The following LARP1 variants were observed in gnomAD, a reference collection of about 807,000 sequenced individuals.
LARP1 encodes La ribonucleoprotein 1, translational regulator.
Under a neutral mutation model 122.7 loss-of-function variants are expected in LARP1, and 36 were observed. The ratio of observed to expected loss-of-function variants is 0.29; its 90% CI spans 0.22 to 0.39. LARP1 has a LOEUF of 0.39. LARP1 is among the 10% of genes least tolerant of loss of function. The pLI is 1.00. For missense variants in LARP1, 1,040 were observed against 1,403.6 expected, an observed-to-expected ratio of 0.74 and a Z score of 4.14; for synonymous variants, 539 against 528.7, an observed-to-expected ratio of 1.02 and a Z score of -0.27.
At chr5:154,727,461 T>A (rs1198277787) in intron 1 of LARP1, among the ~76,000 whole-genome samples, 1 of 151,756 alleles carries the variant, frequency 6.6e-6, no homozygotes, top group African/African-American at 2.4e-5. Flanking sequence ...AACTAGAGAG[T>A]AGAATGGTGG....
At chr5:154,708,715 G>A (rs750986860), upstream of LARP1, among the ~76,000 whole-genome samples, 3 of 152,180 alleles carry the variant, frequency 2.0e-5, no homozygotes, top group South Asian at 4.1e-4. Flanking sequence ...GGGTTCAAGC[G>A]ATTCTCCTGC....
upstream of LARP1, among the ~76,000 whole-genome samples, chr5:154,710,204 C>T (rs1582177480): frequency 1.3e-5 from 2 of 152,132 alleles, no homozygotes; most frequent in South Asian, 2.1e-4. Flanking sequence ...CCATGGCCTG[C>T]GAGTTGGGGA....
Position 154,816,790 on chromosome 5 carries a change from C to G in LARP1, c.*2694C>G, listed in dbSNP as rs1378829834. ...CATCCTATCCCTTCCAAGGTTGGTC[C>G]ATGCCAACATAACCTCTGGGCATCA... On this transcript the variant is annotated 3_prime_UTR_variant, in exon 19 of 19. Transcript: ENST00000518297. 1 of 152,266 alleles carries G rather than the reference C, an allele frequency of 6.6e-6. No individual in the cohort carries two copies. The highest frequency in any genetic ancestry group is 1.9e-4 in the East Asian group (1 of 5,190). The allele number at this position is 152,266 out of a possible 1,614,324, so 9.4% of individuals were successfully genotyped here. A position where few individuals can be genotyped will look rare whatever the true frequency, so the allele number is the denominator to read the frequency against.
chr5:154,725,802 A>T (rs539289671), intron 1 of LARP1, among the ~76,000 whole-genome samples: 2 of 152,288 alleles, frequency 1.3e-5, no homozygotes, highest in South Asian at 2.1e-4. Flanking sequence ...TTCAGGATCT[A>T]CCAAGAAGGA....
upstream of LARP1, among the ~76,000 whole-genome samples, chr5:154,710,961 A>G (rs1479657751): frequency 1.3e-5 from 2 of 152,090 alleles, no homozygotes; most frequent in Non-Finnish European, 2.9e-5. Flanking sequence ...GTGAGACTGA[A>G]AACAGGCAGC....
chr5:154,795,134 C>T (rs1757644285), intron 7 of LARP1, 41 bp from the exon 8 acceptor site: 1 of 1,601,154 alleles, frequency 6.2e-7, no homozygotes, highest in Non-Finnish European at 8.6e-7. Context: ...AAAACTGATG[C>T]ACCAATCCCT....
At chr5:154,806,748 A>G (rs1758820899) in intron 15 of LARP1, among the ~76,000 whole-genome samples, 1 of 152,172 alleles carries the variant, frequency 6.6e-6, no homozygotes, top group Admixed American at 6.5e-5. Flanking sequence ...GTGGTTGCTA[A>G]ATTCTTGATT....
chr5:154,815,100 G>T lies in LARP1; in HGVS notation c.*1004G>T, dbSNP rs1759577821. The T allele has an allele frequency of 6.6e-6, 1 of 152,558 alleles. No individual in the cohort carries two copies. The highest frequency in any genetic ancestry group is 2.1e-4 in the South Asian group (1 of 4,828). 9.5% of individuals were successfully genotyped at this position (152,558 alleles called of 1,614,324 possible). A position where few individuals can be genotyped will look rare whatever the true frequency, so the allele number is the denominator to read the frequency against. ...AAGAGCTCCCACCTTCTCTGGATGT[G>T]CCTGGGCTTGGACTGGCTAGAATCT... On this transcript the variant is annotated 3_prime_UTR_variant, in exon 19 of 19. Transcript: ENST00000518297.
At chr5:154,757,293 A>G (rs1278362961) in intron 1 of LARP1, 2 of 151,526 alleles carry the variant, frequency 1.3e-5, no homozygotes, top group Non-Finnish European at 2.9e-5. Context: ...GGGGGGAGGT[A>G]AGGGGTGCAG....
Position 154,803,500 on chromosome 5 carries a change from G to C in LARP1, c.2234-40G>C. 6.2e-7 allele frequency: 1 copy of C among 1,614,002 alleles called. No homozygotes were observed. Among genetic ancestry groups the C allele is most frequent in the Non-Finnish European group, 8.5e-7 (1 of 1,179,960 alleles). On this transcript the variant is annotated intron_variant, in intron 12 of 18. Transcript: ENST00000518297. This position sits in a 1 kb window ranked among gnomAD's most constrained non-coding sequence, Gnocchi z 4.4. ...GGCTATCCTGGGGTGGATGCCACAG[G>C]CCTTTCCCTGCTTCCTGACTCCTCT...
intron 8 of LARP1, 147 bp from the exon 9 acceptor site, chr5:154,799,444 A>T: frequency 1.3e-6 from 1 of 748,756 alleles, no homozygotes; most frequent in Non-Finnish European, 2.2e-6. Context: ...ATTATCTACC[A>T]GTCGTGGAAG....
At chr5:154,740,365 C>T (rs184191667) in intron 1 of LARP1, among the ~76,000 whole-genome samples, 1,678 of 149,898 alleles carry the variant, frequency 0.011, 15 homozygotes, top group Non-Finnish European at 0.019. Flanking sequence ...TGCACTCCAG[C>T]CTGGGCAACA....
chr5:154,738,809 C>T (rs185348998), intron 1 of LARP1, among the ~76,000 whole-genome samples: 2 of 152,192 alleles, frequency 1.3e-5, no homozygotes, highest in East Asian at 3.9e-4. Context: ...GTAATCCCAG[C>T]ACTTTGGGAC....
chr5:154,699,557 CG>C (rs1166302361), intron 1 of LARP1, among the ~76,000 whole-genome samples: 1 of 151,946 alleles, frequency 6.6e-6, no homozygotes, highest in Non-Finnish European at 1.5e-5. Context: ...GTTCCTGAAA[CG>C]GGACTACTGG....
rs762483737 is a variant in LARP1 at position 154,799,736 on chromosome 5, G to A, written c.1523G>A (p.Arg508His). Residue 508 changes from arginine (R) to histidine (H), a missense_variant, in exon 9 of 19, where the codon CGT becomes CAT. Coordinates refer to ENST00000518297, the MANE Select transcript of LARP1 (RefSeq NM_033551.3). ...CTCAACTGCCCTGAATTTGTTCCCC[G>A]TCAGCACTACCAAAAGGAGACAGGT... Reference protein sequence around the residue: ...QLLNCPEFVPRQHYQKETESA... With the variant: ...QLLNCPEFVPHQHYQKETESA... 1.3e-5 allele frequency: 21 copies of A among 1,614,040 alleles called. No homozygotes were observed. The highest frequency in any genetic ancestry group is 6.7e-5 in the East Asian group (3 of 44,890).
chr5:154,813,787 A>T (rs1367081500), intron 18 of LARP1, 100 bp from the exon 19 acceptor site: 1 of 928,432 alleles, frequency 1.1e-6, no homozygotes, highest in Non-Finnish European at 1.7e-6. Context: ...TTCATTTTCT[A>T]TATTTGGAGG....
Position 154,813,906 on chromosome 5 carries a change from G to T in LARP1, c.3101G>T (p.Gly1034Val), listed in dbSNP as rs1306826141. Reference protein sequence around the residue: ...FRVDPPMGEEGNHKRHSVVAG... With the variant: ...FRVDPPMGEEVNHKRHSVVAG... ...TTGCAGCCCCCCATGGGTGAGGAGG[G>T]CAACCACAAGCGACACTCAGTGGTA... Residue 1034 changes from glycine (G) to valine (V), a missense_variant, in exon 19 of 19, where the codon GGC becomes GTC. Physicochemically the swap from Gly to Val is moderately radical, Grantham distance 109. Transcript: ENST00000518297. 1 of 1,613,998 alleles carries T rather than the reference G, an allele frequency of 6.2e-7. No homozygotes were observed. Among genetic ancestry groups the T allele is most frequent in the Non-Finnish European group, 8.5e-7 (1 of 1,179,970 alleles).
In LARP1 at chr5:154,799,728, T is replaced by C; in HGVS notation, c.1515T>C (p.Phe505=). The C allele has an allele frequency of 6.2e-7, 1 of 1,614,232 alleles. No homozygotes were observed. The highest frequency in any genetic ancestry group is 8.5e-7 in the Non-Finnish European group (1 of 1,180,036). ...DFSQLLNCPE[F]VPRQHYQKET... is the part of the protein sequence containing the mutation. ...CCCAGCTTCTCAACTGCCCTGAATT[T>C]GTTCCCCGTCAGCACTACCAAAAGG... is the stretch of plus-strand genomic sequence containing the variant. Residue 505 remains phenylalanine, a synonymous_variant, in exon 9 of 19, where the codon TTT becomes TTC. Coordinates refer to ENST00000518297, the MANE Select transcript of LARP1 (RefSeq NM_033551.3).
intron 1 of LARP1, among the ~76,000 whole-genome samples, chr5:154,688,969 A>G (rs899338610): frequency 3.3e-5 from 5 of 152,394 alleles, no homozygotes; most frequent in Admixed American, 6.5e-5. Flanking sequence ...TTAAATTCAG[A>G]AAAGAAAAAT....
Sources: allele counts gnomAD v4.1 joint callset (sites outside exome capture counted in the v4.1 genomes callset), GRCh38; gene constraint gnomAD v4.1.1; non-coding constraint Gnocchi (gnomAD v3.1); transcripts MANE v1.5; gene names NCBI Gene and HGNC (gene_info 2026-07-23, HGNC 2026-07-21).